The following CHMP3 variants were observed in gnomAD, a reference collection of about 807,000 sequenced individuals.
CHMP3 encodes the protein 25.1 protein.
In CHMP3, 8 loss-of-function variants were observed where a neutral mutation model predicts 27.4. That is an observed-to-expected ratio of 0.29 (90% CI 0.17 to 0.53). The LOEUF is 0.53. Ranked by LOEUF, CHMP3 falls within the 20% of genes least tolerant of loss-of-function variation. CHMP3 has a pLI of 0.96. For missense variants in CHMP3, 208 were observed against 271.5 expected (o/e 0.77, Z 1.64); for synonymous variants, 86 against 85.5 (o/e 1.01, Z -0.03).
At chr2:86,561,047 G>T (rs764465719) in intron 1 of CHMP3, among the ~76,000 whole-genome samples, 5 of 152,136 alleles carry the variant, frequency 3.3e-5, no homozygotes, top group Admixed American at 6.5e-5. Flanking sequence ...ATTTGGCGGG[G>T]ACACAGATCC....
In CHMP3 at chr2:86,529,208, G is replaced by A. The variant is rs1406881117; in HGVS notation, c.286+10C>T. On this transcript the variant is annotated intron_variant, in intron 3 of 5. Coordinates refer to ENST00000263856, the MANE Select transcript of CHMP3 (RefSeq NM_016079.4). ...ATTATGAGGTGACTGTAAGGTAAGT[G>A]CAGCCTTACCGAGCTGGTTCTTCAT... The A allele has an allele frequency of 3.1e-6, 5 of 1,597,842 alleles. No homozygotes were observed. Among genetic ancestry groups the A allele is most frequent in the Non-Finnish European group, 4.3e-6 (5 of 1,173,552 alleles).
At chr2:86,552,514 G>A (rs1001868031) in intron 1 of CHMP3, among the ~76,000 whole-genome samples, 7 of 152,210 alleles carry the variant, frequency 4.6e-5, no homozygotes, top group African/African-American at 1.7e-4. Context: ...ATGTTAATGT[G>A]TCTAAGTGAA....
At chr2:86,524,157 A>T (rs549525121) in intron 3 of CHMP3, among the ~76,000 whole-genome samples, 45 of 152,326 alleles carry the variant, frequency 3.0e-4, no homozygotes, top group African/African-American at 1.1e-3. Flanking sequence ...CAGTCTGAGA[A>T]ATCCAATAAC....
intron 5 of CHMP3, 148 bp from the exon 6 acceptor site, chr2:86,506,097 G>A: frequency 3.3e-6 from 3 of 917,692 alleles, no homozygotes; most frequent in Non-Finnish European, 4.3e-6. Flanking sequence ...ACTCACTCTG[G>A]GAAATGTGCA....
chr2:86,562,485 T>C (rs1313358411), intron 1 of CHMP3, among the ~76,000 whole-genome samples: 1 of 152,186 alleles, frequency 6.6e-6, no homozygotes, highest in Non-Finnish European at 1.5e-5. Flanking sequence ...ATTTAAAGAA[T>C]TAGCCCTAAC....
intron 1 of CHMP3, among the ~76,000 whole-genome samples, chr2:86,560,367 T>C (rs538674331): frequency 1.3e-5 from 2 of 152,218 alleles, no homozygotes; most frequent in African/African-American, 4.8e-5. Flanking sequence ...CACCATGGAA[T>C]ACTATGAAGC....
At chr2:86,544,020 G>T (rs1676461538) in intron 1 of CHMP3, among the ~76,000 whole-genome samples, 1 of 152,168 alleles carries the variant, frequency 6.6e-6, no homozygotes, top group African/African-American at 2.4e-5. Flanking sequence ...GTCTCTATGG[G>T]ATTGCTTATT....
chr2:86,508,634 G>A (rs897522611), intron 4 of CHMP3, among the ~76,000 whole-genome samples: 1 of 152,198 alleles, frequency 6.6e-6, no homozygotes, highest in Admixed American at 6.5e-5. Context: ...AAGGTCACAT[G>A]TAGCAGCTCC....
At chr2:86,506,607 C>G (rs936288125) in intron 5 of CHMP3, among the ~76,000 whole-genome samples, 3 of 149,272 alleles carry the variant, frequency 2.0e-5, no homozygotes, top group Non-Finnish European at 3.0e-5. Context: ...TTTTATTAGG[C>G]ATTTAGTTTG....
At chr2:86,555,537 G>A (rs1424020310) in intron 1 of CHMP3, among the ~76,000 whole-genome samples, 1 of 151,944 alleles carries the variant, frequency 6.6e-6, no homozygotes, top group Non-Finnish European at 1.5e-5. Context: ...TAAATGTGCT[G>A]TTTCACAGTT....
At chr2:86,559,389 AC>A (rs1677257744) in intron 1 of CHMP3, among the ~76,000 whole-genome samples, 2 of 152,288 alleles carry the variant, frequency 1.3e-5, no homozygotes, top group Admixed American at 1.3e-4. Context: ...ATATGATAGT[AC>A]TTCTCAGCCT....
At chr2:86,510,577 A>G (rs1675066990) in intron 3 of CHMP3, 98 bp from the exon 4 acceptor site, 1 of 1,513,034 alleles carries the variant, frequency 6.6e-7, no homozygotes, top group South Asian at 1.2e-5. Context: ...GCAGTAGCAG[A>G]TGGACTCCCG....
intron 1 of CHMP3, among the ~76,000 whole-genome samples, chr2:86,556,071 C>T (rs1458133333): frequency 6.6e-6 from 1 of 152,070 alleles, no homozygotes; most frequent in Non-Finnish European, 1.5e-5. Flanking sequence ...CCTTAAAATA[C>T]AGAAATACAT....
intron 1 of CHMP3, among the ~76,000 whole-genome samples, chr2:86,554,836 T>TGTGTGTGG (rs1414222331): frequency 1.4e-5 from 2 of 144,876 alleles, no homozygotes; most frequent in East Asian, 4.4e-4. Context: ...TGTGTGTGTG[T>TGTGTGTGG]GTGTGTGTGT....
intron 4 of CHMP3, among the ~76,000 whole-genome samples, chr2:86,509,640 A>G (rs889175510): frequency 6.6e-6 from 1 of 152,134 alleles, no homozygotes; most frequent in East Asian, 1.9e-4. Flanking sequence ...CTCTGTGACA[A>G]CTCACGTGAT....
chr2:86,560,489 C>T lies in CHMP3; in HGVS notation c.45+2815G>A, dbSNP rs184336599. On this transcript the variant is annotated intron_variant, in intron 1 of 5. Transcript: ENST00000263856. ...AAACCGAACACCGCATGTTCTCACT[C>T]ATAAGTGGGAATTGAACAATGAGAA... is the stretch of plus-strand genomic sequence containing the variant. 4.4e-4 allele frequency among the ~76,000 whole-genome samples: 67 copies of T among 151,664 alleles called. 1 individual carries two copies. Among genetic ancestry groups the T allele is most frequent in the Admixed American group, 3.3e-4 (5 of 15,228 alleles).
chr2:86,561,352 T>C (rs1677352280), intron 1 of CHMP3, among the ~76,000 whole-genome samples: 1 of 152,172 alleles, frequency 6.6e-6, no homozygotes, highest in Non-Finnish European at 1.5e-5. Context: ...ACACAATGCC[T>C]GGTTCAATAT....
chr2:86,543,138 G>A (rs1368680742), intron 1 of CHMP3, among the ~76,000 whole-genome samples: 1 of 152,122 alleles, frequency 6.6e-6, no homozygotes, highest in Non-Finnish European at 1.5e-5. Flanking sequence ...TCATAAAACA[G>A]AACAGAATTT....
intron 5 of CHMP3, 89 bp downstream of exon 5, chr2:86,507,390 G>A (rs1674926202): frequency 9.0e-7 from 1 of 1,105,942 alleles, no homozygotes; most frequent in Non-Finnish European, 1.4e-6. Flanking sequence ...GGGAGTTAAT[G>A]CCTAAAGAAA....
Sources: allele counts gnomAD v4.1 joint callset (sites outside exome capture counted in the v4.1 genomes callset), GRCh38; gene constraint gnomAD v4.1.1; transcripts MANE v1.5; gene names NCBI Gene and HGNC (gene_info 2026-07-23, HGNC 2026-07-21).